The following S100A10 variants were observed in gnomAD, a reference collection of about 807,000 sequenced individuals.
S100A10 encodes the protein S100 calcium binding protein A10.
In S100A10, 3 loss-of-function variants were observed where a neutral mutation model predicts 7.1. The observed-to-expected ratio is 0.42, with a 90% CI of 0.19 to 1.10. The LOEUF (loss-of-function observed/expected upper bound fraction) is 1.10, where lower values mean the gene tolerates loss of function less well. S100A10 is among the 50% of genes least tolerant of loss of function. The probability of loss-of-function intolerance (pLI) is 0.29; values close to 1 mark genes in which losing one functional copy is unlikely to be tolerated. For missense variants in S100A10, 101 were observed against 118.1 expected (o/e 0.86, Z 0.67); for synonymous variants, 41 against 39.3 (o/e 1.04, Z -0.16).
chr1:151,986,500 C>T (rs1655794442), intron 1 of S100A10, among the ~76,000 whole-genome samples: 1 of 152,206 alleles, frequency 6.6e-6, no homozygotes. Flanking sequence ...GAATACAATA[C>T]ATTGTAATTA....
chr1:151,986,337 A>G (rs1382138833), intron 1 of S100A10, 86 bp from the exon 2 acceptor site: 1 of 933,548 alleles, frequency 1.1e-6, no homozygotes, highest in Admixed American at 2.7e-5. Flanking sequence ...AAATTGAAAG[A>G]TAAAATTGTA....
chr1:151,986,056 T>C (rs555698392), intron 2 of S100A10, 43 bp downstream of exon 2: 31 of 1,534,468 alleles, frequency 2.0e-5, no homozygotes, highest in African/African-American at 9.9e-5. Flanking sequence ...CCTAGAAGCA[T>C]TGACTTTTAT....
chr1:151,983,196 A>C lies in S100A10; in HGVS notation c.261T>G (p.Phe87Leu). The C allele has an allele frequency of 6.3e-7, 1 of 1,592,980 alleles. No individual in the cohort carries two copies. ...AGLTIACNDY[F>L]VVHMKQKGKK ...TTCCCTTCTGCTTCATGTGTACTAC[A>C]AAATAGTCATTGCATGCAATGGTGA... is the stretch of plus-strand genomic sequence containing the variant. The change falls in exon 3 of 3, where the codon TTT becomes TTG. Residue 87 changes from phenylalanine to leucine, a missense_variant. Physicochemically the swap from Phe to Leu is conservative, Grantham distance 22 (BLOSUM62 0). Transcript: ENST00000368811.
rs1374436795 is a variant in S100A10, at chr1:151,983,036, T to G, written c.*127A>C. Reference sequence around the variant, plus strand: ...CTTGTCAAATGAGAGTTAGATTTTATTTTTACATTTGCTAAGTGTCCTGAT... The same window carrying G: ...CTTGTCAAATGAGAGTTAGATTTTAGTTTTACATTTGCTAAGTGTCCTGAT... On this transcript the variant is annotated 3_prime_UTR_variant, in exon 3 of 3. Coordinates refer to ENST00000368811, the MANE Select transcript of S100A10 (RefSeq NM_002966.3). 3 of 563,812 alleles carry G rather than the reference T, an allele frequency of 5.3e-6. No individual in the cohort carries two copies. Among genetic ancestry groups the G allele is most frequent in the Non-Finnish European group, 8.6e-6 (3 of 347,562 alleles). The allele number at this position is 563,812 out of a possible 1,614,324, so 34.9% of individuals were successfully genotyped here.
intron 2 of S100A10, 142 bp from the exon 3 acceptor site, chr1:151,983,466 T>C (rs1040704545): frequency 2.3e-6 from 1 of 430,292 alleles, no homozygotes; most frequent in Non-Finnish European, 3.9e-6. Flanking sequence ...CCTTTGGAGT[T>C]CATCTAAATG....
chr1:151,982,930 G>T lies in S100A10; in HGVS notation c.*233C>A, dbSNP rs926810231. 1 of 313,014 alleles carries T rather than the reference G, an allele frequency of 3.2e-6. No homozygotes were observed. The highest frequency in any genetic ancestry group is 5.2e-5 in the East Asian group (1 of 19,256). The allele number at this position is 313,014 out of a possible 1,614,324, so 19.4% of individuals were successfully genotyped here. ...CTGTCTCAAATTTGGAACTAAAAAA[G>T]AACTTTATTTATTGAGGGCAAGGGG... On this transcript the variant is annotated 3_prime_UTR_variant, in exon 3 of 3. Coordinates refer to ENST00000368811, the MANE Select transcript of S100A10 (RefSeq NM_002966.3).
chr1:151,988,413 G>A (rs1655841110), intron 1 of S100A10, among the ~76,000 whole-genome samples: 1 of 152,246 alleles, frequency 6.6e-6, no homozygotes, highest in South Asian at 2.1e-4. Flanking sequence ...CCTGAGACAT[G>A]CTTTGGTCTG....
chr1:151,991,770 G>A (rs900091959), intron 1 of S100A10, among the ~76,000 whole-genome samples: 1 of 152,170 alleles, frequency 6.6e-6, no homozygotes, highest in African/African-American at 2.4e-5. Context: ...ATACCAAGTG[G>A]GTTGTGCTCT....
At chr1:151,992,837 A>G (rs1655935161) in intron 1 of S100A10, among the ~76,000 whole-genome samples, 1 of 151,944 alleles carries the variant, frequency 6.6e-6, no homozygotes, top group Non-Finnish European at 1.5e-5. Context: ...CCAACAAGGC[A>G]GAGCTCCTGG....
At position 151,983,342 on chromosome 1, in the gene S100A10, A is replaced by G. The variant is rs1655735519; in HGVS notation, c.133-18T>C. 6 of 1,505,558 alleles carry G rather than the reference A, an allele frequency of 4.0e-6. No individual in the cohort carries two copies. The highest frequency in any genetic ancestry group is 5.3e-6 in the Non-Finnish European group (6 of 1,129,422). 93.3% of individuals were successfully genotyped at this position (1,505,558 alleles called of 1,614,324 possible). On this transcript the variant is annotated intron_variant, in intron 2 of 2. Coordinates refer to ENST00000368811, the MANE Select transcript of S100A10 (RefSeq NM_002966.3). ...TTTTGATTCTGAAAAAAAAAAGAAC[A>G]AAGGCAAGAAATAGAAGTCAAAGGT...
chr1:151,985,242 T>C (rs907762825), intron 2 of S100A10: 5 of 152,282 alleles, frequency 3.3e-5, no homozygotes, highest in Admixed American at 2.6e-4. Flanking sequence ...GTGACTACAA[T>C]TGTGGTAGGG....
rs537667821 is a variant in S100A10, at chr1:151,991,450, G to A, written c.-22+2302C>T. Among the ~76,000 whole-genome samples, 3 of 152,304 alleles carry A rather than the reference G, an allele frequency of 2.0e-5. No homozygotes were observed. The South Asian group carries it at 6.2e-4, about 32-fold the overall frequency. ...TTCCTTAAAGAATGCTTAGGCATCA[G>A]CCTAATCAGCCAACATAGCTACTGT... On this transcript the variant is annotated intron_variant, in intron 1 of 2. Coordinates refer to ENST00000368811, the MANE Select transcript of S100A10 (RefSeq NM_002966.3).
intron 2 of S100A10, among the ~76,000 whole-genome samples, chr1:151,984,370 C>T (rs929255671): frequency 3.3e-5 from 5 of 152,252 alleles, no homozygotes; most frequent in South Asian, 2.1e-4. Context: ...TCTAGCTAAA[C>T]GTGCTCTATG....
intron 2 of S100A10, among the ~76,000 whole-genome samples, chr1:151,985,595 C>G (rs760336855): frequency 1.3e-5 from 2 of 152,202 alleles, no homozygotes; most frequent in Non-Finnish European, 2.9e-5. Flanking sequence ...ATCCCTTTAT[C>G]TGAAGAGATT....
Position 151,983,216 on chromosome 1 carries a change from T to C in S100A10, c.241A>G (p.Ile81Val). 6.2e-7 allele frequency: 1 copy of C among 1,605,216 alleles called. No homozygotes were observed. Among genetic ancestry groups the C allele is most frequent in the Non-Finnish European group, 8.5e-7 (1 of 1,176,612 alleles). Residue 81 changes from isoleucine (I) to valine (V), a missense_variant, in exon 3 of 3, where the codon ATT becomes GTT. Coordinates refer to ENST00000368811, the MANE Select transcript of S100A10 (RefSeq NM_002966.3). ...SFFSLIAGLT[I>V]ACNDYFVVHM... The stretch of plus-strand genomic sequence containing the variant: ...ACTACAAAATAGTCATTGCATGCAA[T>C]GGTGAGGCCCGCAATTAGGGAAAAG...
chr1:151,986,475 TTAAC>T (rs1225219556), intron 1 of S100A10, among the ~76,000 whole-genome samples: 1 of 152,254 alleles, frequency 6.6e-6, no homozygotes, highest in African/African-American at 2.4e-5. Flanking sequence ...TTAGCCACTC[TTAAC>T]TATTTGTCAA....
chr1:151,988,710 C>A (rs972849265), intron 1 of S100A10, among the ~76,000 whole-genome samples: 4 of 152,202 alleles, frequency 2.6e-5, no homozygotes, highest in Non-Finnish European at 5.9e-5. Flanking sequence ...ACACCCTTTT[C>A]CTTCTCTTCT....
intron 1 of S100A10, among the ~76,000 whole-genome samples, chr1:151,992,355 C>T (rs189693572): frequency 4.1e-4 from 63 of 152,282 alleles, no homozygotes; most frequent in Non-Finnish European, 4.4e-4. Flanking sequence ...AACCTCTTAG[C>T]GGGAAAAGCT....
chr1:151,987,867 C>T lies in S100A10; in HGVS notation c.-21-1616G>A, dbSNP rs147716927. On this transcript the variant is annotated intron_variant, in intron 1 of 2. Transcript: ENST00000368811. The stretch of plus-strand genomic sequence containing the variant: ...ACTAAAGCTCTGAACTTGTTATTTA[C>T]TGCAATAAAGACAGTTGCATCTCTG... 1.8e-3 allele frequency among the ~76,000 whole-genome samples: 270 copies of T among 152,300 alleles called. 6 individuals carry two copies. In the East Asian group the frequency reaches 0.027, roughly 15 times the overall value.
Sources: gnomAD v4.1 joint callset for allele counts (sites outside exome capture counted in the v4.1 genomes callset) on GRCh38, gnomAD v4.1.1 for gene constraint, MANE v1.5 for transcripts, NCBI Gene and HGNC (gene_info 2026-07-23, HGNC 2026-07-21) for gene names.